Variants in KCNQ5 observed in about 807,000 individuals in gnomAD.
KCNQ5 encodes potassium voltage-gated channel subfamily KQT member 5.
In KCNQ5, 30 loss-of-function variants were observed where a neutral mutation model predicts 98.2. The ratio of observed to expected loss-of-function variants is 0.31; its 90% CI spans 0.23 to 0.41. The LOEUF (loss-of-function observed/expected upper bound fraction) is 0.41, where lower values mean the gene tolerates loss of function less well. Ranked by LOEUF, KCNQ5 falls within the 10% of genes least tolerant of loss-of-function variation. The probability of loss-of-function intolerance (pLI) is 1.00; values close to 1 mark genes in which losing one functional copy is unlikely to be tolerated. For synonymous variants in KCNQ5, 458 were observed against 449.4 expected, an observed-to-expected ratio of 1.02 and a Z score of -0.24; for missense variants, 835 against 1,182.5, an observed-to-expected ratio of 0.71 and a Z score of 4.31.
intron 1 of KCNQ5, among the ~76,000 whole-genome samples, chr6:72,890,339 C>T (rs1339376661): frequency 2.6e-5 from 4 of 151,928 alleles, no homozygotes; most frequent in South Asian, 4.2e-4. Context: ...TTAAAGGGTA[C>T]GATGCCATAT....
intron 2 of KCNQ5, among the ~76,000 whole-genome samples, chr6:73,037,734 T>C (rs1771503559): frequency 6.6e-6 from 1 of 152,176 alleles, no homozygotes. Context: ...ATGTTCCATA[T>C]GTCTATCCCT....
intron 9 of KCNQ5, among the ~76,000 whole-genome samples, chr6:73,128,001 G>C (rs570754256): frequency 6.6e-6 from 1 of 152,222 alleles, no homozygotes; most frequent in African/African-American, 2.4e-5. Context: ...GGAAGCAGAG[G>C]TTGCAGTGAG....
intron 1 of KCNQ5, among the ~76,000 whole-genome samples, chr6:72,844,854 G>T (rs559372512): frequency 6.6e-6 from 1 of 152,170 alleles, no homozygotes; most frequent in African/African-American, 2.4e-5. Flanking sequence ...TGCTTTTGCT[G>T]ACTGACACAA....
chr6:73,129,243 A>G (rs1776121372), intron 9 of KCNQ5, among the ~76,000 whole-genome samples: 1 of 152,218 alleles, frequency 6.6e-6, no homozygotes, highest in South Asian at 2.1e-4. Context: ...ACATCATAGG[A>G]CTTAAAATAA....
intron 1 of KCNQ5, among the ~76,000 whole-genome samples, chr6:72,809,070 T>G (rs1399641015): frequency 8.6e-5 from 13 of 151,248 alleles, no homozygotes; most frequent in African/African-American, 2.9e-4. Context: ...CATAAAAAAA[T>G]GATGAGTTCA....
At chr6:73,056,477 T>C (rs1772500191) in intron 3 of KCNQ5, among the ~76,000 whole-genome samples, 1 of 152,090 alleles carries the variant, frequency 6.6e-6, no homozygotes, top group African/African-American at 2.4e-5. Context: ...GTGGTTGAAA[T>C]AGTCCCACAT....
At chr6:72,753,484 G>A (rs1015204466) in intron 1 of KCNQ5, among the ~76,000 whole-genome samples, 18 of 151,950 alleles carry the variant, frequency 1.2e-4, no homozygotes, top group African/African-American at 4.4e-4. Context: ...TGTATAGTAA[G>A]TGTATATTCA....
At chr6:73,144,489 G>C (rs1776845430) in intron 10 of KCNQ5, among the ~76,000 whole-genome samples, 1 of 152,084 alleles carries the variant, frequency 6.6e-6, no homozygotes, top group Non-Finnish European at 1.5e-5. Context: ...ATACCACATC[G>C]TTCTATTGGA....
chr6:73,180,927 TTC>T lies in KCNQ5; in HGVS notation c.1578-9644_1578-9643del, dbSNP rs1270305785. On this transcript the variant is annotated intron_variant, in intron 11 of 13. Coordinates refer to ENST00000370398, the MANE Select transcript of KCNQ5 (RefSeq NM_019842.4). ...TGGCGGTGGCAGCAGTCACTGCTGC[TTC>T]TGTTTTCTCATCGTTCTTATCTCTG... is the stretch of plus-strand genomic sequence containing the variant. 2.0e-5 allele frequency among the ~76,000 whole-genome samples: 3 copies of T among 152,274 alleles called. No individual in the cohort carries two copies. The East Asian group carries it at 5.8e-4, about 29-fold the overall frequency.
intron 1 of KCNQ5, among the ~76,000 whole-genome samples, chr6:72,755,230 AGT>A (rs1771904262): frequency 6.6e-6 from 1 of 152,018 alleles, no homozygotes; most frequent in Admixed American, 6.6e-5. Context: ...TTATATTTAA[AGT>A]GTGTTTATTT....
chr6:73,087,863 A>G (rs1385131543), intron 5 of KCNQ5, among the ~76,000 whole-genome samples: 2 of 152,074 alleles, frequency 1.3e-5, no homozygotes. Context: ...TCTTTATCAA[A>G]CCTGCTTCTG....
chr6:73,103,484 AT>A (rs1774876447), intron 5 of KCNQ5, among the ~76,000 whole-genome samples: 1 of 9,024 alleles, frequency 1.1e-4, no homozygotes, highest in African/African-American at 5.1e-4. Context: ...GGGGCCTGTC[AT>A]GGGGGGGGGG....
chr6:72,629,879 A>G (rs2098919865), intron 1 of KCNQ5, among the ~76,000 whole-genome samples: 1 of 152,144 alleles, frequency 6.6e-6, no homozygotes, highest in Non-Finnish European at 1.5e-5. Flanking sequence ...TTTTTTCATA[A>G]TTAAAGAAAT....
chr6:73,115,666 C>G lies in KCNQ5; in HGVS notation c.1125+4263C>G, dbSNP rs142321332. Among the ~76,000 whole-genome samples, 1,478 of 152,226 alleles carry G rather than the reference C, an allele frequency of 9.7e-3. 29 individuals are homozygous for G. Among genetic ancestry groups the G allele is most frequent in the African/African-American group, 0.034 (1,414 of 41,524 alleles). On this transcript the variant is annotated intron_variant, in intron 7 of 13. Transcript: ENST00000370398. ...TATTTTCAACCTAGAACTCTATATC[C>G]AGCCAAACCACCATCAAGTGTGAGA...
chr6:73,112,815 A>C (rs1211041817), intron 7 of KCNQ5, among the ~76,000 whole-genome samples: 1 of 151,884 alleles, frequency 6.6e-6, no homozygotes, highest in African/African-American at 2.4e-5. Context: ...TATATCATGA[A>C]GGAGATCTGT....
intron 1 of KCNQ5, among the ~76,000 whole-genome samples, chr6:72,733,440 T>A (rs1770657668): frequency 6.6e-6 from 1 of 151,892 alleles, no homozygotes. Flanking sequence ...GGATGAGGAG[T>A]GCATGAGCAC....
chr6:72,869,012 GA>G lies in KCNQ5; in HGVS notation c.399-134895del, dbSNP rs765212815. On this transcript the variant is annotated intron_variant, in intron 1 of 13. Coordinates refer to ENST00000370398, the MANE Select transcript of KCNQ5 (RefSeq NM_019842.4). Reference sequence around the variant, plus strand: ...TGTAATGTTCCTAACACAAAGAAATGATAAATGCTTGAGATAATGGATACCC... The same window carrying G: ...TGTAATGTTCCTAACACAAAGAAATGTAAATGCTTGAGATAATGGATACCC... Among the ~76,000 whole-genome samples, 163 of 152,250 alleles carry G rather than the reference GA, an allele frequency of 1.1e-3. 2 individuals are homozygous for G. The highest frequency in any genetic ancestry group is 1.7e-3 in the Non-Finnish European group (114 of 68,016).
chr6:72,757,037 C>T (rs995655264), intron 1 of KCNQ5, among the ~76,000 whole-genome samples: 12 of 151,990 alleles, frequency 7.9e-5, no homozygotes, highest in African/African-American at 2.9e-4. Context: ...TATAACATTT[C>T]AAATATAAAA....
intron 1 of KCNQ5, among the ~76,000 whole-genome samples, chr6:72,710,214 T>G (rs1245803188): frequency 6.6e-6 from 1 of 152,168 alleles, no homozygotes; most frequent in African/African-American, 2.4e-5. Context: ...CAGGGGAAGC[T>G]TCTGTTAAGA....
Sources: allele counts gnomAD v4.1 joint callset (sites outside exome capture counted in the v4.1 genomes callset), GRCh38; gene constraint gnomAD v4.1.1; transcripts MANE v1.5; gene names NCBI Gene and HGNC (gene_info 2026-07-23, HGNC 2026-07-21).